ATG7: variants seen among roughly 807,000 people sequenced by gnomAD.
The protein encoded by ATG7 is ubiquitin-like modifier-activating enzyme ATG7.
Under a neutral mutation model 82.4 loss-of-function variants are expected in ATG7, and 70 were observed. The observed-to-expected ratio is 0.85, with a 90% CI of 0.70 to 1.04. The LOEUF (loss-of-function observed/expected upper bound fraction) is 1.04, where lower values mean the gene tolerates loss of function less well. Among genes scored for constraint, ATG7 ranks in the 50% least tolerant of loss-of-function variants. The probability of loss-of-function intolerance (pLI) is 0.00; values close to 1 mark genes in which losing one functional copy is unlikely to be tolerated. For synonymous variants in ATG7, 287 were observed against 313.0 expected (o/e 0.92, Z 0.88); for missense variants, 792 against 864.3 (o/e 0.92, Z 1.05).
intron 9 of ATG7, among the ~76,000 whole-genome samples, chr3:11,330,609 C>G (rs1232702056): frequency 6.6e-6 from 1 of 152,094 alleles, no homozygotes; most frequent in Non-Finnish European, 1.5e-5. Flanking sequence ...GTCCAAGGAG[C>G]CCCGATTTAT....
intron 20 of ATG7, among the ~76,000 whole-genome samples, chr3:11,490,511 A>G (rs906099483): frequency 2.6e-5 from 4 of 152,288 alleles, no homozygotes; most frequent in African/African-American, 7.2e-5. Context: ...TGATCCTGTC[A>G]TTATGATGTT....
chr3:11,450,747 G>A (rs551844934), intron 20 of ATG7, among the ~76,000 whole-genome samples: 50 of 152,274 alleles, frequency 3.3e-4, no homozygotes, highest in African/African-American at 9.4e-4. Flanking sequence ...CCCTGCTACC[G>A]TTTGTGAACA....
chr3:11,449,498 T>G (rs1270063934), intron 20 of ATG7, among the ~76,000 whole-genome samples: 1 of 151,788 alleles, frequency 6.6e-6, no homozygotes, highest in Non-Finnish European at 1.5e-5. Context: ...ACTGAGAGGG[T>G]GAGAGAGAGT....
intron 10 of ATG7, among the ~76,000 whole-genome samples, chr3:11,332,541 A>C (rs1463413589): frequency 2.0e-5 from 3 of 152,208 alleles, no homozygotes; most frequent in South Asian, 2.1e-4. Context: ...GTAAGTCTAC[A>C]CAGTGCAAAT....
chr3:11,543,674 C>T (rs772052005), intron 20 of ATG7, among the ~76,000 whole-genome samples: 27 of 152,078 alleles, frequency 1.8e-4, no homozygotes, highest in Non-Finnish European at 3.1e-4. Context: ...CTGAGGTGGG[C>T]GGATCACCTG....
intron 20 of ATG7, among the ~76,000 whole-genome samples, chr3:11,440,034 G>A (rs1245788686): frequency 6.6e-6 from 1 of 152,190 alleles, no homozygotes; most frequent in Non-Finnish European, 1.5e-5. Context: ...AGTGCATAGG[G>A]TGATGCAGAG....
chr3:11,347,440 T>C (rs1311968497), intron 13 of ATG7, among the ~76,000 whole-genome samples: 1 of 152,224 alleles, frequency 6.6e-6, no homozygotes, highest in African/African-American at 2.4e-5. Flanking sequence ...TTGTGAGTCA[T>C]TTTTTGGAGG....
Position 11,426,822 on chromosome 3 carries a change from C to T in ATG7, c.1975C>T (p.Arg659Ter), listed in dbSNP as rs201706487. ...TTTACAGGTTCTTGATCAATATGAACGAGAAGGATTTAACTTCCTAGCCAA... is the reference window on the plus strand; with the variant it reads ...TTTACAGGTTCTTGATCAATATGAATGAGAAGGATTTAACTTCCTAGCCAA... ...CSSKVLDQYE[R>*]EGFNFLAKVF... The change falls in exon 20 of 21, where the codon CGA becomes TGA. Residue 659 changes from arginine to a stop codon, truncating the protein, a stop_gained. Coordinates refer to ENST00000693202, the MANE Select transcript of ATG7 (RefSeq NM_001349232.2). LOFTEE classifies it high-confidence loss of function. 373 of 1,606,832 alleles carry T rather than the reference C, an allele frequency of 2.3e-4. No homozygotes were observed. The highest frequency in any genetic ancestry group is 2.9e-4 in the Non-Finnish European group (336 of 1,177,088).
chr3:11,520,557 G>A (rs1426458237), intron 20 of ATG7, among the ~76,000 whole-genome samples: 1 of 152,184 alleles, frequency 6.6e-6, no homozygotes, highest in African/African-American at 2.4e-5. Context: ...TGCCGTGCTG[G>A]CCCTGGAGGA....
intron 19 of ATG7, among the ~76,000 whole-genome samples, chr3:11,394,684 A>T (rs1406182094): frequency 1.3e-5 from 2 of 152,208 alleles, no homozygotes; most frequent in Non-Finnish European, 2.9e-5. Context: ...GGTGTAAACC[A>T]TCCCTCACAT....
chr3:11,316,754 T>C (rs1443175586), intron 9 of ATG7, among the ~76,000 whole-genome samples: 2 of 152,210 alleles, frequency 1.3e-5, no homozygotes, highest in African/African-American at 4.8e-5. Flanking sequence ...ATCAGATATA[T>C]AGGAAGTTGT....
In ATG7 at chr3:11,392,131, C is replaced by G. The variant is rs551527625; in HGVS notation, c.1956+12079C>G. ...TGTAGCATCTTGAAAGTCATGTGGG[C>G]TAGAGCAACTTCTAGGTGTCCTTTA... On this transcript the variant is annotated intron_variant, in intron 19 of 20. Coordinates refer to ENST00000693202, the MANE Select transcript of ATG7 (RefSeq NM_001349232.2). 1.2e-4 allele frequency among the ~76,000 whole-genome samples: 18 copies of G among 152,272 alleles called. No homozygotes were observed. In the South Asian group the frequency reaches 3.5e-3, roughly 30 times the overall value.
intron 8 of ATG7, among the ~76,000 whole-genome samples, chr3:11,314,665 C>T (rs1438658452): frequency 6.6e-6 from 1 of 152,068 alleles, no homozygotes; most frequent in Non-Finnish European, 1.5e-5. Flanking sequence ...CACGGTGGCT[C>T]ACAACTATAG....
At chr3:11,559,265 C>A, downstream of ATG7, 1 of 1,466,332 alleles carries the variant, frequency 6.8e-7, no homozygotes, top group Non-Finnish European at 9.0e-7. Flanking sequence ...CAGCCAACAG[C>A]ATGACAGAGA....
chr3:11,472,339 C>T (rs141888882), intron 20 of ATG7, among the ~76,000 whole-genome samples: 29 of 152,268 alleles, frequency 1.9e-4, no homozygotes, highest in African/African-American at 7.0e-4. Context: ...CGTCCCCAAG[C>T]TTAGTGACTC....
chr3:11,484,177 G>A (rs1350716570), intron 20 of ATG7, among the ~76,000 whole-genome samples: 2 of 152,052 alleles, frequency 1.3e-5, no homozygotes, highest in Non-Finnish European at 2.9e-5. Flanking sequence ...GTGAATCACT[G>A]GAGGCCAGGA....
At chr3:11,536,906 G>A (rs1008886912) in intron 20 of ATG7, among the ~76,000 whole-genome samples, 1 of 152,100 alleles carries the variant, frequency 6.6e-6, no homozygotes, top group Non-Finnish European at 1.5e-5. Flanking sequence ...GCTTATTTAC[G>A]ATCAGCCTGT....
Position 11,420,310 on chromosome 3 carries a change from A to G in ATG7, c.1957-6494A>G, listed in dbSNP as rs74631751. Among the ~76,000 whole-genome samples, 1,095 of 152,304 alleles carry G rather than the reference A, an allele frequency of 7.2e-3. 17 individuals carry two copies. Among genetic ancestry groups the G allele is most frequent in the African/African-American group, 0.025 (1,038 of 41,560 alleles). Reference sequence around the variant, plus strand: ...CCAGTGCTATTAATAATGTTCCAGCATTAAACTTTCTGTACATCCTCATTA... The same window carrying G: ...CCAGTGCTATTAATAATGTTCCAGCGTTAAACTTTCTGTACATCCTCATTA... On this transcript the variant is annotated intron_variant, in intron 19 of 20. Transcript: ENST00000693202.
chr3:11,542,304 G>A (rs2070894839), intron 20 of ATG7, among the ~76,000 whole-genome samples: 1 of 152,226 alleles, frequency 6.6e-6, no homozygotes, highest in South Asian at 2.1e-4. Flanking sequence ...CCCAGAGGGA[G>A]GGTGCCAAAT....
Sources: gnomAD v4.1 joint callset for allele counts (sites outside exome capture counted in the v4.1 genomes callset) on GRCh38, gnomAD v4.1.1 for gene constraint, MANE v1.5 for transcripts, NCBI Gene and HGNC (gene_info 2026-07-23, HGNC 2026-07-21) for gene names.